The following ITPRID1 variants were observed in gnomAD, a reference collection of about 807,000 sequenced individuals.
ITPRID1 encodes the protein protein ITPRID1.
Under a neutral mutation model 95.4 loss-of-function variants are expected in ITPRID1, and 96 were observed. The ratio of observed to expected loss-of-function variants is 1.01; its 90% CI spans 0.85 to 1.19. ITPRID1 has a LOEUF of 1.19. Ranked by LOEUF, ITPRID1 falls within the 50% of genes most tolerant of loss-of-function variation. The pLI, the probability that ITPRID1 is intolerant of heterozygous loss-of-function variation, is 0.00. For synonymous variants in ITPRID1, 510 were observed against 453.6 expected (o/e 1.12, Z -1.58); for missense variants, 1,339 against 1,252.9 (o/e 1.07, Z -1.04).
rs529399896 is a variant in ITPRID1, at chr7:31,620,348, G to A, written c.1229-21828G>A. Among the ~76,000 whole-genome samples, 14 of 152,128 alleles carry A rather than the reference G, an allele frequency of 9.2e-5. No individual in the cohort carries two copies. In the East Asian group the frequency reaches 2.5e-3, roughly 27 times the overall value. ...CCCTGACCCCTGAGCAGCCTAACTG[G>A]GAGGCACCCCCCAGTAGGGGCAGAT... On this transcript the variant is annotated intron_variant, in intron 10 of 14. Transcript: ENST00000615280.
At chr7:31,657,093 GATAT>G (rs890107196), downstream of ITPRID1, among the ~76,000 whole-genome samples, 1 of 3,594 alleles carries the variant, frequency 2.8e-4, no homozygotes, top group African/African-American at 9.9e-4. Context: ...TTTTATATAT[GATAT>G]ATATAAAATA....
intron 10 of ITPRID1, among the ~76,000 whole-genome samples, chr7:31,632,349 G>A (rs1362468092): frequency 6.6e-6 from 1 of 152,178 alleles, no homozygotes; most frequent in Non-Finnish European, 1.5e-5. Context: ...TTGAGAGGCT[G>A]AAACAGGAGA....
intron 10 of ITPRID1, among the ~76,000 whole-genome samples, chr7:31,597,907 GC>G (rs1562597037): frequency 6.6e-6 from 1 of 152,104 alleles, no homozygotes; most frequent in East Asian, 1.9e-4. Context: ...TAAGACAGGT[GC>G]CATAGTTTAA....
chr7:31,547,670 G>A (rs1784145262), intron 1 of ITPRID1, among the ~76,000 whole-genome samples: 1 of 152,152 alleles, frequency 6.6e-6, no homozygotes, highest in African/African-American at 2.4e-5. Context: ...GCTTTAATGT[G>A]GGAATGAAAG....
intron 1 of ITPRID1, among the ~76,000 whole-genome samples, chr7:31,545,610 A>C (rs1361829978): frequency 6.6e-6 from 1 of 152,134 alleles, no homozygotes; most frequent in Admixed American, 6.6e-5. Context: ...CACCAGTAAA[A>C]GATGAATACT....
chr7:31,640,392 C>G (rs1007930613), intron 10 of ITPRID1, among the ~76,000 whole-genome samples: 2 of 152,210 alleles, frequency 1.3e-5, no homozygotes, highest in Non-Finnish European at 2.9e-5. Context: ...CTAGAGTTCT[C>G]TCTGTGTGCA....
At chr7:31,639,561 G>A (rs1262136854) in intron 10 of ITPRID1, among the ~76,000 whole-genome samples, 1 of 142,500 alleles carries the variant, frequency 7.0e-6, no homozygotes, top group Non-Finnish European at 1.5e-5. Context: ...TTTTGAGATG[G>A]AGTCTCACTC....
intron 8 of ITPRID1, 35 bp from the exon 9 acceptor site, chr7:31,577,828 C>T (rs1321106293): frequency 6.6e-7 from 1 of 1,504,378 alleles, no homozygotes; most frequent in Non-Finnish European, 8.9e-7. Flanking sequence ...AAAAAAGACC[C>T]AATCTGAAAC....
intron 10 of ITPRID1, among the ~76,000 whole-genome samples, chr7:31,627,729 G>A (rs1788607587): frequency 6.6e-6 from 1 of 150,416 alleles, no homozygotes; most frequent in South Asian, 2.1e-4. Flanking sequence ...TTGACAGAAT[G>A]GAAAGCAGTG....
intron 2 of ITPRID1, among the ~76,000 whole-genome samples, chr7:31,552,605 C>T (rs1421870081): frequency 3.3e-5 from 5 of 152,068 alleles, no homozygotes; most frequent in Non-Finnish European, 7.4e-5. Context: ...CCAAAGCCCT[C>T]ATTTTTCTCC....
Position 31,530,891 on chromosome 7 carries a change from A to G in ITPRID1, c.-98+16771A>G, listed in dbSNP as rs111604171. Among the ~76,000 whole-genome samples, 861 of 152,346 alleles carry G rather than the reference A, an allele frequency of 5.7e-3. 2 individuals are homozygous for G. Among genetic ancestry groups the G allele is most frequent in the Middle Eastern group, 0.01 (3 of 294 alleles). On this transcript the variant is annotated intron_variant, in intron 1 of 14. Transcript: ENST00000615280. ...ATGATTACGATAATATATAGGATCT[A>G]TATCTTCTGGTTCAGACACCAGAGT...
At chr7:31,565,917 G>C (rs1784785475) in intron 5 of ITPRID1, among the ~76,000 whole-genome samples, 1 of 152,100 alleles carries the variant, frequency 6.6e-6, no homozygotes, top group African/African-American at 2.4e-5. Context: ...TTCCCCAGCT[G>C]GTTCTAAAAC....
intron 5 of ITPRID1, among the ~76,000 whole-genome samples, chr7:31,568,181 C>T (rs1026805462): frequency 6.6e-6 from 1 of 151,590 alleles, no homozygotes; most frequent in Admixed American, 6.6e-5. Flanking sequence ...AGTCTTTATC[C>T]TTCTAGACCA....
At chr7:31,646,238 G>A (rs1790454709) in intron 12 of ITPRID1, among the ~76,000 whole-genome samples, 1 of 152,158 alleles carries the variant, frequency 6.6e-6, no homozygotes, top group Non-Finnish European at 1.5e-5. Flanking sequence ...GCAAACCACA[G>A]CACCCAGAGA....
At chr7:31,558,786 A>G (rs1025906175) in intron 5 of ITPRID1, among the ~76,000 whole-genome samples, 1 of 152,198 alleles carries the variant, frequency 6.6e-6, no homozygotes, top group Admixed American at 6.5e-5. Flanking sequence ...CGCCAATGAC[A>G]GCACACTGGT....
intron 1 of ITPRID1, among the ~76,000 whole-genome samples, chr7:31,539,826 G>A (rs997760781): frequency 6.6e-6 from 1 of 152,000 alleles, no homozygotes; most frequent in African/African-American, 2.4e-5. Flanking sequence ...GAATGTCTCT[G>A]GTTGAAGGGG....
intron 10 of ITPRID1, among the ~76,000 whole-genome samples, chr7:31,598,404 T>TC (rs1385191879): frequency 4.9e-5 from 5 of 101,528 alleles, no homozygotes; most frequent in African/African-American, 1.5e-4. Context: ...TTTTCTTTTT[T>TC]TTTTTTTTTT....
intron 10 of ITPRID1, among the ~76,000 whole-genome samples, chr7:31,626,075 A>C (rs1355052951): frequency 6.6e-6 from 1 of 152,226 alleles, no homozygotes; most frequent in African/African-American, 2.4e-5. Flanking sequence ...ATCAAAGAAC[A>C]GACAGAAGTT....
At chr7:31,529,919 A>G (rs1783541067) in intron 1 of ITPRID1, 7 of 974,808 alleles carry the variant, frequency 7.2e-6, no homozygotes, top group Middle Eastern at 2.1e-4. Flanking sequence ...AGTTGGAATG[A>G]AAGGGCAGCG....
Sources: allele counts gnomAD v4.1 joint callset (sites outside exome capture counted in the v4.1 genomes callset), GRCh38; gene constraint gnomAD v4.1.1; transcripts MANE v1.5; gene names NCBI Gene and HGNC (gene_info 2026-07-23, HGNC 2026-07-21).